IL15: variants seen among roughly 807,000 people sequenced by gnomAD.
IL15 encodes the protein interleukin-15.
In IL15, 11 loss-of-function variants were observed where a neutral mutation model predicts 19.6. The ratio of observed to expected loss-of-function variants is 0.56; its 90% CI spans 0.35 to 0.93. The LOEUF is 0.93. Among genes scored for constraint, IL15 ranks in the 40% least tolerant of loss-of-function variants. IL15 has a pLI of 0.01. For synonymous variants in IL15, 58 were observed against 59.6 expected (o/e 0.97, Z 0.12); for missense variants, 197 against 186.5 (o/e 1.06, Z -0.33).
Position 141,727,990 on chromosome 4 carries a change from T to A in IL15, c.240+6T>A. The A allele has an allele frequency of 7.7e-7, 1 of 1,297,884 alleles. No homozygotes were observed. The highest frequency in any genetic ancestry group is 1.1e-6 in the Non-Finnish European group (1 of 916,902). The allele number at this position is 1,297,884 out of a possible 1,614,324, so 80.4% of individuals were successfully genotyped here. A position where few individuals can be genotyped will look rare whatever the true frequency, so the allele number is the denominator to read the frequency against. On this transcript the variant is annotated splice_donor_region_variant and intron_variant, in intron 6 of 7. Transcript: ENST00000320650. ...ATACGGAAAGTGATGTTCACGTGAG[T>A]ATACTTTTTTTCAAAATTGCTATTT...
intron 2 of IL15, among the ~76,000 whole-genome samples, chr4:141,678,808 G>A (rs1728442459): frequency 6.6e-6 from 1 of 152,082 alleles, no homozygotes. Flanking sequence ...CTCCGTGTTG[G>A]CCAGGATGGC....
intron 2 of IL15, among the ~76,000 whole-genome samples, chr4:141,708,956 A>T (rs1365604618): frequency 1.3e-5 from 2 of 151,986 alleles, no homozygotes; most frequent in East Asian, 3.9e-4. Context: ...TTATGTTTAT[A>T]AGTGGATGGG....
chr4:141,710,299 G>A (rs1729673296), intron 2 of IL15, among the ~76,000 whole-genome samples: 1 of 152,144 alleles, frequency 6.6e-6, no homozygotes, highest in Non-Finnish European at 1.5e-5. Context: ...TCAAGAGCCA[G>A]TGTTAATGGA....
At chr4:141,691,312 G>A (rs1488636856) in intron 2 of IL15, among the ~76,000 whole-genome samples, 1 of 152,042 alleles carries the variant, frequency 6.6e-6, no homozygotes, top group African/African-American at 2.4e-5. Flanking sequence ...ATTTGAGTGG[G>A]GACACAAAGC....
intron 2 of IL15, among the ~76,000 whole-genome samples, chr4:141,665,406 A>G (rs75716212): frequency 0.029 from 4,352 of 152,076 alleles, 207 homozygotes; most frequent in African/African-American, 0.098. Context: ...TTATTTTATG[A>G]CCTAGTATTT....
chr4:141,707,482 T>C (rs944714756), intron 2 of IL15, among the ~76,000 whole-genome samples: 2 of 152,234 alleles, frequency 1.3e-5, no homozygotes, highest in Non-Finnish European at 2.9e-5. Flanking sequence ...CCTTTGTCTC[T>C]GCATTGATAC....
At chr4:141,656,354 T>G (rs1727598596) in intron 2 of IL15, 47 bp downstream of exon 2, 1 of 397,278 alleles carries the variant, frequency 2.5e-6, no homozygotes, top group South Asian at 1.3e-4. Flanking sequence ...GATACTTTTA[T>G]ATAATAGCAT....
At chr4:141,694,223 C>T (rs1417248189) in intron 2 of IL15, among the ~76,000 whole-genome samples, 1 of 152,190 alleles carries the variant, frequency 6.6e-6, no homozygotes, top group Non-Finnish European at 1.5e-5. Flanking sequence ...TGATCATCCA[C>T]ACGTGAACGT....
At chr4:141,721,776 T>C in intron 4 of IL15, 148 bp from the exon 5 acceptor site, 1 of 701,218 alleles carries the variant, frequency 1.4e-6, no homozygotes, top group Admixed American at 2.9e-5. Flanking sequence ...TTATGTTCAG[T>C]TACAAGGCTG....
chr4:141,710,658 T>C (rs1353793308), intron 2 of IL15, among the ~76,000 whole-genome samples: 1 of 152,164 alleles, frequency 6.6e-6, no homozygotes, highest in Non-Finnish European at 1.5e-5. Context: ...TACTGCACTT[T>C]CTTTTTTTTC....
intron 1 of IL15, among the ~76,000 whole-genome samples, chr4:141,646,387 G>T (rs1336535123): frequency 6.6e-6 from 1 of 151,982 alleles, no homozygotes; most frequent in East Asian, 1.9e-4. Flanking sequence ...CTATGTTCTT[G>T]TCTAAGAGTC....
At chr4:141,702,751 G>T (rs909920177) in intron 2 of IL15, among the ~76,000 whole-genome samples, 18 of 152,238 alleles carry the variant, frequency 1.2e-4, no homozygotes, top group African/African-American at 4.1e-4. Flanking sequence ...TGGGATTTGA[G>T]CTTGCTTTAA....
chr4:141,659,675 T>A (rs923875841), intron 2 of IL15, among the ~76,000 whole-genome samples: 2 of 152,242 alleles, frequency 1.3e-5, no homozygotes, highest in East Asian at 1.9e-4. Context: ...ACATTCTTTT[T>A]AAAAAAATTT....
chr4:141,690,372 G>A (rs865862798), intron 2 of IL15, among the ~76,000 whole-genome samples: 9 of 152,282 alleles, frequency 5.9e-5, no homozygotes, highest in Non-Finnish European at 1.3e-4. Flanking sequence ...CAGAGGAGTC[G>A]CCGAGAGCGA....
rs552285330 is a variant in IL15 at position 141,696,599 on chromosome 4, G to A, written c.-99-22767G>A. ...CCATTTTTTCAGTGTCTTCACATTC[G>A]TTCAGAAAAGGTTTATAGGTCTTAG... On this transcript the variant is annotated intron_variant, in intron 2 of 7. Coordinates refer to ENST00000320650, the MANE Select transcript of IL15 (RefSeq NM_000585.5). Among the ~76,000 whole-genome samples the A allele has an allele frequency of 1.3e-4, 19 of 151,986 alleles. No individual in the cohort carries two copies. In the South Asian group the frequency reaches 3.5e-3, roughly 28 times the overall value.
chr4:141,721,213 A>C (rs1168220420), intron 4 of IL15: 4 of 826,436 alleles, frequency 4.8e-6, no homozygotes, highest in Middle Eastern at 4.4e-4. Context: ...AGTGTTGACT[A>C]TCATGCTTCT....
In IL15 at chr4:141,726,995, A is replaced by G. The variant is rs191086071; in HGVS notation, c.196-945A>G. On this transcript the variant is annotated intron_variant, in intron 5 of 7. Transcript: ENST00000320650. ...CACACTGTATGATCCCAACTATGAC[A>G]TTTTGAAAAAGGCAAAGCTATGGAG... Among the ~76,000 whole-genome samples the G allele has an allele frequency of 2.0e-5, 3 of 152,324 alleles. No individual in the cohort carries two copies. The East Asian group carries it at 5.8e-4, about 29-fold the overall frequency.
At chr4:141,639,862 G>A (rs575465685) in intron 1 of IL15, among the ~76,000 whole-genome samples, 1 of 152,278 alleles carries the variant, frequency 6.6e-6, no homozygotes, top group Non-Finnish European at 1.5e-5. Flanking sequence ...TAGAGGAGTT[G>A]AAGGAAAAAT....
intron 2 of IL15, among the ~76,000 whole-genome samples, chr4:141,660,676 A>G (rs78613727): frequency 0.019 from 2,936 of 152,274 alleles, 64 homozygotes; most frequent in African/African-American, 0.049. Context: ...GTGACATTAC[A>G]TAAGTAAACA....
Sources: allele counts gnomAD v4.1 joint callset (sites outside exome capture counted in the v4.1 genomes callset), GRCh38; gene constraint gnomAD v4.1.1; transcripts MANE v1.5; gene names NCBI Gene and HGNC (gene_info 2026-07-23, HGNC 2026-07-21).